The following DLC1 variants were observed in gnomAD, a reference collection of about 807,000 sequenced individuals.
The protein encoded by DLC1 is rho GTPase-activating protein 7.
Under a neutral mutation model 140.3 loss-of-function variants are expected in DLC1, and 54 were observed. That is an observed-to-expected ratio of 0.38 (90% CI 0.31 to 0.48). The LOEUF is 0.48. Among genes scored for constraint, DLC1 ranks in the 20% least tolerant of loss-of-function variants. The pLI, the probability that DLC1 is intolerant of heterozygous loss-of-function variation, is 0.96. For missense variants in DLC1, 2,536 were observed against 1,907.0 expected, an observed-to-expected ratio of 1.33 and a Z score of -6.14; for synonymous variants, 986 against 728.1, an observed-to-expected ratio of 1.35 and a Z score of -5.70.
intron 3 of DLC1, among the ~76,000 whole-genome samples, chr8:13,397,477 G>A (rs757452682): frequency 6.6e-5 from 10 of 152,084 alleles, no homozygotes; most frequent in Non-Finnish European, 1.3e-4. Flanking sequence ...TGGCACTACT[G>A]AATTTGTCAG....
At chr8:13,387,601 G>GT (rs1836579441) in intron 4 of DLC1, among the ~76,000 whole-genome samples, 1 of 151,740 alleles carries the variant, frequency 6.6e-6, no homozygotes, top group African/African-American at 2.4e-5. Context: ...ATAAAACCTG[G>GT]TTTACATTGA....
At chr8:13,523,966 G>A (rs1225077746) in intron 1 of DLC1, among the ~76,000 whole-genome samples, 1 of 151,750 alleles carries the variant, frequency 6.6e-6, no homozygotes, top group Non-Finnish European at 1.5e-5. Flanking sequence ...TTAAGTAGGA[G>A]AGAGGGGATG....
chr8:13,249,115 T>C lies in DLC1; in HGVS notation c.1348+56154A>G, dbSNP rs372262167. ...CTTTGAGACAAAGTCTCGCTCTTGT[T>C]GCCCAGGCTGGAGTGCAATGGCGCG... On this transcript the variant is annotated intron_variant, in intron 5 of 17. Transcript: ENST00000276297. Among the ~76,000 whole-genome samples, 38 of 152,328 alleles carry C rather than the reference T, an allele frequency of 2.5e-4. 1 individual carries two copies. The highest frequency in any genetic ancestry group is 1.5e-3 in the South Asian group (7 of 4,822).
intron 5 of DLC1, among the ~76,000 whole-genome samples, chr8:13,254,534 C>T (rs1224068342): frequency 6.6e-6 from 1 of 152,166 alleles, no homozygotes; most frequent in Non-Finnish European, 1.5e-5. Context: ...AGATCTTCCA[C>T]AGTTGCATAA....
At chr8:13,505,862 G>T (rs1449471270) in intron 1 of DLC1, among the ~76,000 whole-genome samples, 2 of 152,114 alleles carry the variant, frequency 1.3e-5, no homozygotes, top group Admixed American at 1.3e-4. Flanking sequence ...CTGAATAGAA[G>T]TTTAAGATAC....
chr8:13,312,351 A>T (rs1832701957), intron 4 of DLC1, among the ~76,000 whole-genome samples: 1 of 100,868 alleles, frequency 9.9e-6, no homozygotes, highest in Non-Finnish European at 2.0e-5. Flanking sequence ...ACAGAGCGAG[A>T]CTCCGTCTCA....
chr8:13,268,390 C>G lies in DLC1; in HGVS notation c.1348+36879G>C, dbSNP rs192365763. ...AGTGCAGTGGCGCGATCTCGGCTCA[C>G]TGCAAGCTCCGCCTCCCAGGTTCAC... is the stretch of plus-strand genomic sequence containing the variant. On this transcript the variant is annotated intron_variant, in intron 5 of 17. Coordinates refer to ENST00000276297, the MANE Select transcript of DLC1 (RefSeq NM_182643.3). Among the ~76,000 whole-genome samples the G allele has an allele frequency of 6.2e-4, 94 of 152,204 alleles. 1 individual carries two copies. In the East Asian group the frequency reaches 0.016, roughly 25 times the overall value.
At chr8:13,534,790 T>C (rs1349381815) in intron 1 of DLC1, among the ~76,000 whole-genome samples, 2 of 152,216 alleles carry the variant, frequency 1.3e-5, no homozygotes, top group Non-Finnish European at 2.9e-5. Context: ...TAGGCTTCTA[T>C]AAAGAGCTTG....
intron 5 of DLC1, among the ~76,000 whole-genome samples, chr8:13,199,707 A>C (rs1221410262): frequency 6.6e-6 from 1 of 152,130 alleles, no homozygotes; most frequent in Non-Finnish European, 1.5e-5. Context: ...TGTTATTTCT[A>C]TGTATTTATG....
At chr8:13,432,917 C>G (rs2117401481) in intron 2 of DLC1, among the ~76,000 whole-genome samples, 1 of 147,632 alleles carries the variant, frequency 6.8e-6, no homozygotes, top group East Asian at 2.0e-4. Context: ...GTGCTGCTGT[C>G]CTGCTGGAGG....
intron 5 of DLC1, among the ~76,000 whole-genome samples, chr8:13,167,362 A>C (rs1041405919): frequency 6.6e-6 from 1 of 152,078 alleles, no homozygotes; most frequent in African/African-American, 2.4e-5. Flanking sequence ...CTCTTTAGTA[A>C]GCGACTCTGA....
intron 1 of DLC1, among the ~76,000 whole-genome samples, chr8:13,592,389 T>C (rs1805542967): frequency 6.6e-6 from 1 of 152,052 alleles, no homozygotes; most frequent in African/African-American, 2.4e-5. Context: ...TTTTATTTGT[T>C]TTATTTATAT....
intron 2 of DLC1, among the ~76,000 whole-genome samples, chr8:13,455,061 G>A (rs556392663): frequency 6.6e-6 from 1 of 152,220 alleles, no homozygotes; most frequent in South Asian, 2.1e-4. Context: ...ATGATTTAAT[G>A]AGTAAATAAA....
intron 2 of DLC1, among the ~76,000 whole-genome samples, chr8:13,445,793 C>T (rs911003440): frequency 6.6e-6 from 1 of 152,150 alleles, no homozygotes; most frequent in Non-Finnish European, 1.5e-5. Context: ...TAGCTTAAAA[C>T]CTGAAGAATC....
intron 5 of DLC1, among the ~76,000 whole-genome samples, chr8:13,256,048 A>G (rs1279507104): frequency 6.6e-6 from 1 of 152,228 alleles, no homozygotes; most frequent in African/African-American, 2.4e-5. Flanking sequence ...GATGAGGAAC[A>G]AAAAGATGAT....
At chr8:13,554,228 T>G (rs1264017240) in intron 1 of DLC1, among the ~76,000 whole-genome samples, 2 of 151,990 alleles carry the variant, frequency 1.3e-5, no homozygotes, top group Non-Finnish European at 1.5e-5. Context: ...CAACACACCC[T>G]GCTAATTTTT....
intron 4 of DLC1, among the ~76,000 whole-genome samples, chr8:13,365,136 TCA>T (rs1463997789): frequency 6.6e-6 from 1 of 152,200 alleles, no homozygotes; most frequent in African/African-American, 2.4e-5. Context: ...AATTTCCATG[TCA>T]CAACCTCTAT....
At chr8:13,345,635 C>T (rs1834300403) in intron 4 of DLC1, among the ~76,000 whole-genome samples, 1 of 132,566 alleles carries the variant, frequency 7.5e-6, no homozygotes, top group Non-Finnish European at 1.5e-5. Context: ...TTCACTGCAA[C>T]CTCTGTCTGC....
chr8:13,411,489 C>G (rs1364830912), intron 2 of DLC1, among the ~76,000 whole-genome samples: 1 of 152,262 alleles, frequency 6.6e-6, no homozygotes, highest in East Asian at 1.9e-4. Flanking sequence ...ATACATTTAT[C>G]CAAACCCATA....
Sources: gnomAD v4.1 joint callset for allele counts (sites outside exome capture counted in the v4.1 genomes callset) on GRCh38, gnomAD v4.1.1 for gene constraint, MANE v1.5 for transcripts, NCBI Gene and HGNC (gene_info 2026-07-23, HGNC 2026-07-21) for gene names.